ASIC5: variants seen among roughly 807,000 people sequenced by gnomAD.
ASIC5 encodes the protein acid sensing ion channel subunit family member 5, also known as bile acid-sensitive ion channel.
In ASIC5, 52 loss-of-function variants were observed where a neutral mutation model predicts 51.2. That is an observed-to-expected ratio of 1.02 (90% CI 0.81 to 1.28). The LOEUF is 1.28. Among genes scored for constraint, ASIC5 ranks in the 50% most tolerant of loss-of-function variants. The probability of loss-of-function intolerance (pLI) is 0.00; values close to 1 mark genes in which losing one functional copy is unlikely to be tolerated. For missense variants in ASIC5, 635 were observed against 595.0 expected (o/e 1.07, Z -0.70); for synonymous variants, 231 against 200.7 (o/e 1.15, Z -1.28).
intron 8 of ASIC5, among the ~76,000 whole-genome samples, chr4:155,835,636 T>A (rs376252265): frequency 3.2e-4 from 49 of 152,206 alleles, no homozygotes; most frequent in African/African-American, 1.1e-3. Flanking sequence ...GCAAATCAGT[T>A]TCCCACATTA....
intron 8 of ASIC5, among the ~76,000 whole-genome samples, chr4:155,835,730 T>C (rs779243415): frequency 6.6e-6 from 1 of 152,218 alleles, no homozygotes; most frequent in Non-Finnish European, 1.5e-5. Flanking sequence ...TGTTTATCAC[T>C]TTATCTGCTG....
chr4:155,833,216 C>A (rs1031556299), intron 8 of ASIC5, among the ~76,000 whole-genome samples: 1 of 152,018 alleles, frequency 6.6e-6, no homozygotes, highest in African/African-American at 2.4e-5. Context: ...ATGAAACCAC[C>A]AAATGAATGG....
intron 2 of ASIC5, chr4:155,854,597 A>C (rs1741479226): frequency 4.7e-6 from 2 of 429,494 alleles, no homozygotes; most frequent in Non-Finnish European, 8.3e-6. Flanking sequence ...AGAGGAGGGA[A>C]TATATAGTTG....
chr4:155,831,943 G>A (rs1740880090), intron 8 of ASIC5, 28 bp from the exon 9 acceptor site: 1 of 1,179,028 alleles, frequency 8.5e-7, no homozygotes, highest in Non-Finnish European at 1.2e-6. Context: ...AGTTAATATA[G>A]CTTAAGATTG....
At chr4:155,840,101 C>T (rs1408108533) in intron 6 of ASIC5, among the ~76,000 whole-genome samples, 1 of 152,166 alleles carries the variant, frequency 6.6e-6, no homozygotes, top group Non-Finnish European at 1.5e-5. Context: ...ATGCAGATAT[C>T]ATTCTTTGTG....
chr4:155,853,962 T>C (rs1741454842), intron 3 of ASIC5, 115 bp downstream of exon 3: 1 of 772,666 alleles, frequency 1.3e-6, no homozygotes, highest in African/African-American at 1.8e-5. Context: ...ATAGAATCTG[T>C]AAGCAAATTT....
chr4:155,845,834 G>A (rs754031295), intron 4 of ASIC5, among the ~76,000 whole-genome samples: 18 of 152,024 alleles, frequency 1.2e-4, no homozygotes, highest in Non-Finnish European at 2.2e-4. Flanking sequence ...TTTCACCTGA[G>A]TTGTTTCCTA....
intron 4 of ASIC5, among the ~76,000 whole-genome samples, chr4:155,844,971 A>G (rs1327816278): frequency 6.6e-6 from 1 of 152,074 alleles, no homozygotes; most frequent in Non-Finnish European, 1.5e-5. Context: ...CAGCCCTGAA[A>G]AGCTAAGTCT....
At chr4:155,862,667 G>A (rs1022447341) in intron 2 of ASIC5, among the ~76,000 whole-genome samples, 1 of 152,104 alleles carries the variant, frequency 6.6e-6, no homozygotes, top group Non-Finnish European at 1.5e-5. Context: ...TCAAGACACT[G>A]GCAGTAGAGC....
chr4:155,860,258 A>C (rs1344431095), intron 2 of ASIC5, among the ~76,000 whole-genome samples: 1 of 151,826 alleles, frequency 6.6e-6, no homozygotes, highest in African/African-American at 2.4e-5. Flanking sequence ...GATATATAAT[A>C]CTTATGTTTG....
chr4:155,832,573 G>T (rs985656732), intron 8 of ASIC5, among the ~76,000 whole-genome samples: 13 of 152,114 alleles, frequency 8.5e-5, no homozygotes, highest in Admixed American at 1.3e-4. Context: ...TCTATCACCA[G>T]CCTAGACCCC....
intron 4 of ASIC5, among the ~76,000 whole-genome samples, chr4:155,851,399 T>C (rs995257138): frequency 3.3e-5 from 5 of 152,006 alleles, no homozygotes; most frequent in African/African-American, 1.2e-4. Context: ...TTCACTTGGA[T>C]TGGGAGGTGA....
chr4:155,861,669 T>C (rs1741709841), intron 2 of ASIC5, among the ~76,000 whole-genome samples: 1 of 152,078 alleles, frequency 6.6e-6, no homozygotes, highest in African/African-American at 2.4e-5. Context: ...TCTAATTTAA[T>C]TTCATTAGTA....
intron 5 of ASIC5, 49 bp from the exon 6 acceptor site, chr4:155,842,403 C>T: frequency 6.8e-7 from 1 of 1,471,136 alleles, no homozygotes. Context: ...TACATCAATT[C>T]ACTTATTTTC....
At position 155,852,335 on chromosome 4, in the gene ASIC5, C is replaced by A. The variant is rs1234536903; in HGVS notation, c.586-19G>T. On this transcript the variant is annotated intron_variant, in intron 3 of 9. Coordinates refer to ENST00000537611, the MANE Select transcript of ASIC5 (RefSeq NM_017419.3). Reference sequence around the variant, plus strand: ...CAAAATCCTCCAATATGTAAATGAACCAAAAAAAACCATCAATTTGATATT... The same window carrying A: ...CAAAATCCTCCAATATGTAAATGAAACAAAAAAAACCATCAATTTGATATT... 3 of 1,564,894 alleles carry A rather than the reference C, an allele frequency of 1.9e-6. No homozygotes were observed. Among genetic ancestry groups the A allele is most frequent in the Middle Eastern group, 1.7e-4 (1 of 5,860 alleles).
intron 8 of ASIC5, among the ~76,000 whole-genome samples, chr4:155,833,118 T>C (rs1437807814): frequency 6.6e-6 from 1 of 152,170 alleles, no homozygotes; most frequent in Non-Finnish European, 1.5e-5. Flanking sequence ...GAGGTATCTC[T>C]AATACCTAGA....
At chr4:155,859,804 C>T (rs1377874829) in intron 2 of ASIC5, among the ~76,000 whole-genome samples, 1 of 151,988 alleles carries the variant, frequency 6.6e-6, no homozygotes, top group Non-Finnish European at 1.5e-5. Flanking sequence ...TAACTTGTCA[C>T]CCATCACAAA....
intron 2 of ASIC5, among the ~76,000 whole-genome samples, chr4:155,858,153 T>C (rs1276779177): frequency 6.6e-6 from 1 of 152,068 alleles, no homozygotes; most frequent in Non-Finnish European, 1.5e-5. Flanking sequence ...AGTGAAAATT[T>C]TAGACACAAA....
At chr4:155,847,014 G>T (rs755504960) in intron 4 of ASIC5, among the ~76,000 whole-genome samples, 3 of 152,128 alleles carry the variant, frequency 2.0e-5, no homozygotes, top group South Asian at 2.1e-4. Flanking sequence ...TGGTAAGACA[G>T]CTTAAAGAGA....
Sources: allele counts gnomAD v4.1 joint callset (sites outside exome capture counted in the v4.1 genomes callset), GRCh38; gene constraint gnomAD v4.1.1; transcripts MANE v1.5; gene names NCBI Gene and HGNC (gene_info 2026-07-23, HGNC 2026-07-21).